SPIDR: variants seen among roughly 807,000 people sequenced by gnomAD.
SPIDR encodes DNA repair-scaffolding protein.
Under a neutral mutation model 104.6 loss-of-function variants are expected in SPIDR, and 93 were observed. The ratio of observed to expected loss-of-function variants is 0.89; its 90% CI spans 0.75 to 1.06. SPIDR has a LOEUF of 1.06. Ranked by LOEUF, SPIDR falls within the 50% of genes least tolerant of loss-of-function variation. The pLI is 0.00. For missense variants in SPIDR, 1,154 were observed against 1,111.2 expected (o/e 1.04, Z -0.55); for synonymous variants, 431 against 416.9 (o/e 1.03, Z -0.41).
chr8:47,482,203 T>C (rs1429036811), intron 8 of SPIDR, among the ~76,000 whole-genome samples: 1 of 152,212 alleles, frequency 6.6e-6, no homozygotes, highest in Non-Finnish European at 1.5e-5. Flanking sequence ...CGCATATTCA[T>C]TCCTATTTTT....
At chr8:47,606,490 C>T (rs985755334) in intron 10 of SPIDR, among the ~76,000 whole-genome samples, 1 of 152,082 alleles carries the variant, frequency 6.6e-6, no homozygotes, top group Non-Finnish European at 1.5e-5. Flanking sequence ...CGCACCACTG[C>T]ACTCCAGCCT....
At chr8:47,671,297 G>A (rs1161481577) in intron 10 of SPIDR, among the ~76,000 whole-genome samples, 1 of 152,026 alleles carries the variant, frequency 6.6e-6, no homozygotes, top group African/African-American at 2.4e-5. Context: ...GTCTAAAAAT[G>A]TCCCAGGCCA....
intron 8 of SPIDR, among the ~76,000 whole-genome samples, chr8:47,472,542 A>G (rs1205452802): frequency 6.6e-6 from 1 of 152,234 alleles, no homozygotes; most frequent in African/African-American, 2.4e-5. Context: ...AACACTGCTG[A>G]TATCACACAT....
rs528701913 is a variant in SPIDR at position 47,501,503 on chromosome 8, G to A, written c.1097+60961G>A. Among the ~76,000 whole-genome samples the A allele has an allele frequency of 3.8e-3, 578 of 152,258 alleles. 4 individuals are homozygous for A. The highest frequency in any genetic ancestry group is 0.023 in the South Asian group (110 of 4,820). ...TTTGCACATTGATTTTGTATCCTGAGACTTTGCTGAAGTTGCCTGTCAGCT... is the reference window on the plus strand; with the variant it reads ...TTTGCACATTGATTTTGTATCCTGAAACTTTGCTGAAGTTGCCTGTCAGCT... On this transcript the variant is annotated intron_variant, in intron 8 of 19. Coordinates refer to ENST00000297423, the MANE Select transcript of SPIDR (RefSeq NM_001080394.4).
chr8:47,318,643 C>G (rs1159017136), intron 5 of SPIDR, among the ~76,000 whole-genome samples: 1 of 150,876 alleles, frequency 6.6e-6, no homozygotes, highest in Non-Finnish European at 1.5e-5. Context: ...ACGTAATTCT[C>G]AGATTCACCA....
At chr8:47,709,468 G>T (rs2081541806) in intron 14 of SPIDR, among the ~76,000 whole-genome samples, 1 of 152,052 alleles carries the variant, frequency 6.6e-6, no homozygotes, top group South Asian at 2.1e-4. Context: ...TAGAGATGGG[G>T]TTTTACCATG....
chr8:47,547,117 G>A, intron 8 of SPIDR: 1 of 584,914 alleles, frequency 1.7e-6, no homozygotes, highest in Admixed American at 2.0e-5. Flanking sequence ...ATCTGAATGG[G>A]ATCATTCACC....
chr8:47,378,412 A>T (rs1334914198), intron 5 of SPIDR, among the ~76,000 whole-genome samples: 1 of 152,246 alleles, frequency 6.6e-6, no homozygotes, highest in South Asian at 2.1e-4. Flanking sequence ...GGAAAAATAC[A>T]TAGGACAAAT....
At chr8:47,307,477 C>A (rs1406612182) in intron 5 of SPIDR, among the ~76,000 whole-genome samples, 1 of 151,278 alleles carries the variant, frequency 6.6e-6, no homozygotes, top group Non-Finnish European at 1.5e-5. Context: ...CCTTGGCCTC[C>A]CAAAATGCTG....
chr8:47,359,215 C>T (rs1226194815), intron 5 of SPIDR, among the ~76,000 whole-genome samples: 1 of 148,754 alleles, frequency 6.7e-6, no homozygotes, highest in Non-Finnish European at 1.5e-5. Flanking sequence ...CACTGCAGTC[C>T]GCAGTCCGGC....
chr8:47,734,571 T>G (rs975035030), intron 19 of SPIDR, among the ~76,000 whole-genome samples: 11 of 151,228 alleles, frequency 7.3e-5, no homozygotes, highest in Admixed American at 2.0e-4. Context: ...GATATTACTC[T>G]GCAAGTGACA....
intron 5 of SPIDR, among the ~76,000 whole-genome samples, chr8:47,343,362 A>G (rs1212252950): frequency 2.0e-5 from 3 of 152,218 alleles, no homozygotes; most frequent in Admixed American, 2.0e-4. Flanking sequence ...AGAGGTTGAC[A>G]TGTGCTAGAT....
intron 5 of SPIDR, among the ~76,000 whole-genome samples, chr8:47,361,799 A>G (rs577462783): frequency 2.0e-5 from 3 of 152,242 alleles, no homozygotes; most frequent in African/African-American, 7.2e-5. Context: ...AGGCAAGGAC[A>G]GGAGCACCAG....
At chr8:47,524,624 G>A (rs1389511424) in intron 8 of SPIDR, among the ~76,000 whole-genome samples, 3 of 152,196 alleles carry the variant, frequency 2.0e-5, no homozygotes, top group Non-Finnish European at 2.9e-5. Flanking sequence ...CGTCTTGCGG[G>A]TGCCTGGGCC....
chr8:47,582,802 A>G (rs1225372394), intron 8 of SPIDR, among the ~76,000 whole-genome samples: 1 of 150,784 alleles, frequency 6.6e-6, no homozygotes, highest in Non-Finnish European at 1.5e-5. Flanking sequence ...ACATAGCAAG[A>G]CTCCATTAAA....
intron 8 of SPIDR, among the ~76,000 whole-genome samples, chr8:47,586,221 G>A (rs1353419559): frequency 6.6e-6 from 1 of 152,088 alleles, no homozygotes; most frequent in Non-Finnish European, 1.5e-5. Context: ...ATGAACATAA[G>A]TTTTCATTTC....
chr8:47,685,509 A>ATTTTTTTTTTTTTTTTT (rs79918303), intron 11 of SPIDR, among the ~76,000 whole-genome samples: 4 of 106,958 alleles, frequency 3.7e-5, no homozygotes, highest in Admixed American at 1.0e-4. Flanking sequence ...TTATTTATTT[A>ATTTTTTTTTTTTTTTTT]TTTATTTATT....
chr8:47,457,533 C>T (rs1201212552), intron 8 of SPIDR, among the ~76,000 whole-genome samples: 10 of 152,038 alleles, frequency 6.6e-5, no homozygotes, highest in Non-Finnish European at 1.0e-4. Flanking sequence ...AGATTTTCTC[C>T]CGCTCTGTGA....
chr8:47,505,499 G>A lies in SPIDR; in HGVS notation c.1097+64957G>A, dbSNP rs1232249522. 5.3e-5 allele frequency among the ~76,000 whole-genome samples: 8 copies of A among 152,320 alleles called. No homozygotes were observed. In the South Asian group the frequency reaches 1.0e-3, roughly 20 times the overall value. On this transcript the variant is annotated intron_variant, in intron 8 of 19. Coordinates refer to ENST00000297423, the MANE Select transcript of SPIDR (RefSeq NM_001080394.4). ...GACCATTGGAAAAGCGCAGTATTAG[G>A]GTGGGAGTGACCCAATTTTCCAGGT... is the stretch of plus-strand genomic sequence containing the variant.
Sources: gnomAD v4.1 joint callset for allele counts (sites outside exome capture counted in the v4.1 genomes callset) on GRCh38, gnomAD v4.1.1 for gene constraint, MANE v1.5 for transcripts, NCBI Gene and HGNC (gene_info 2026-07-23, HGNC 2026-07-21) for gene names.